Variants in IPO7 observed in about 807,000 individuals in gnomAD.
The protein encoded by IPO7 is importin 7.
IPO7 carries 13 observed loss-of-function variants against 136.4 expected under a neutral mutation model. The observed-to-expected ratio is 0.10, with a 90% CI of 0.06 to 0.15. The LOEUF is 0.15. Among genes scored for constraint, IPO7 ranks in the 10% least tolerant of loss-of-function variants. The pLI, the probability that IPO7 is intolerant of heterozygous loss-of-function variation, is 1.00. For missense variants in IPO7, 857 were observed against 1,240.6 expected, an observed-to-expected ratio of 0.69 and a Z score of 4.65; for synonymous variants, 403 against 404.4, an observed-to-expected ratio of 1.00 and a Z score of 0.04.
intron 1 of IPO7, among the ~76,000 whole-genome samples, chr11:9,398,812 T>C (rs1293582910): frequency 6.6e-6 from 1 of 152,218 alleles, no homozygotes; most frequent in East Asian, 1.9e-4. Context: ...TACAGTGCTA[T>C]AGAACACTAG....
intron 22 of IPO7, among the ~76,000 whole-genome samples, chr11:9,439,854 T>A (rs891386990): frequency 6.6e-6 from 1 of 152,244 alleles, no homozygotes; most frequent in East Asian, 1.9e-4. Context: ...ATTACAGGCG[T>A]GAGCCACCGC....
At position 9,446,694 on chromosome 11, in the gene IPO7, T is replaced by A. The variant is rs1042571102; in HGVS notation, c.*1500T>A. 1.3e-5 allele frequency: 2 copies of A among 152,096 alleles called. No individual in the cohort carries two copies. The highest frequency in any genetic ancestry group is 2.9e-5 in the Non-Finnish European group (2 of 68,014). The allele number at this position is 152,096 out of a possible 1,614,324, so 9.4% of individuals were successfully genotyped here. A position where few individuals can be genotyped will look rare whatever the true frequency, so the allele number is the denominator to read the frequency against. ...TTGTCTAAAACAGGTGAGAAAAAAA[T>A]TTATAACTGTAAAAACAAATGCACA... On this transcript the variant is annotated 3_prime_UTR_variant, in exon 25 of 25. Coordinates refer to ENST00000379719, the MANE Select transcript of IPO7 (RefSeq NM_006391.3).
intron 1 of IPO7, among the ~76,000 whole-genome samples, chr11:9,387,442 A>C (rs966136430): frequency 6.6e-6 from 1 of 152,178 alleles, no homozygotes; most frequent in African/African-American, 2.4e-5. Flanking sequence ...TCTCCTTATC[A>C]CTGAGGAGTT....
At chr11:9,430,623 C>G (rs540935221) in intron 15 of IPO7, 1 of 412,520 alleles carries the variant, frequency 2.4e-6, no homozygotes, top group African/African-American at 2.0e-5. Context: ...ATTTAGTCCT[C>G]GTACGGTGTC....
chr11:9,399,738 G>T (rs1854766882), intron 1 of IPO7, among the ~76,000 whole-genome samples: 1 of 152,170 alleles, frequency 6.6e-6, no homozygotes, highest in South Asian at 2.1e-4. Flanking sequence ...CAGTAAAGGA[G>T]CCTGAGAAGG....
In IPO7 at chr11:9,424,474, G is replaced by GTT. The variant is rs202140285; in HGVS notation, c.1142-440_1142-439insTT. 9.6e-3 allele frequency among the ~76,000 whole-genome samples: 1,457 copies of GTT among 152,316 alleles called. 27 individuals are homozygous for GTT. Among genetic ancestry groups the GTT allele is most frequent in the African/African-American group, 0.034 (1,399 of 41,566 alleles). On this transcript the variant is annotated intron_variant, in intron 10 of 24. Transcript: ENST00000379719. ...TTAATTTTCACAGGCCAGGTGCGGT[G>GTT]GCTAAGGCCTGTAAATCCCAACGTG...
chr11:9,408,872 C>A (rs973615817), intron 3 of IPO7, among the ~76,000 whole-genome samples: 7 of 151,552 alleles, frequency 4.6e-5, no homozygotes, highest in Non-Finnish European at 2.9e-5. Flanking sequence ...TGGCACCACG[C>A]CCAGCTAATT....
intron 2 of IPO7, among the ~76,000 whole-genome samples, chr11:9,407,961 A>G (rs977429489): frequency 3.3e-5 from 5 of 152,232 alleles, no homozygotes; most frequent in Non-Finnish European, 7.3e-5. Flanking sequence ...TAATTTCTGA[A>G]CACAGTAAAT....
At chr11:9,431,316 A>G (rs1855290802) in intron 16 of IPO7, among the ~76,000 whole-genome samples, 1 of 152,188 alleles carries the variant, frequency 6.6e-6, no homozygotes. Context: ...GGTTATACAC[A>G]TAGCATAAAA....
intron 1 of IPO7, among the ~76,000 whole-genome samples, chr11:9,386,255 T>G (rs1854550855): frequency 6.6e-6 from 1 of 152,206 alleles, no homozygotes; most frequent in Non-Finnish European, 1.5e-5. Flanking sequence ...CCACACAAAG[T>G]GATGATTACA....
intron 20 of IPO7, 135 bp from the exon 21 acceptor site, chr11:9,437,619 C>A: frequency 1.5e-6 from 1 of 659,024 alleles, no homozygotes; most frequent in Non-Finnish European, 2.6e-6. Context: ...TTTCCCAGTG[C>A]AGTGCCTCAG....
At chr11:9,407,244 C>T (rs527315603) in intron 2 of IPO7, among the ~76,000 whole-genome samples, 4 of 152,170 alleles carry the variant, frequency 2.6e-5, no homozygotes, top group African/African-American at 9.6e-5. Flanking sequence ...TTTGTTGGTC[C>T]TATTTGATTC....
chr11:9,417,025 G>A, intron 5 of IPO7, 34 bp from the exon 6 acceptor site: 1 of 993,050 alleles, frequency 1.0e-6, no homozygotes, highest in Non-Finnish European at 1.6e-6. Flanking sequence ...CTTTAGCAAG[G>A]ATTTCGAAAT....
At chr11:9,432,989 G>GTTTTGTTTTT (rs1855318341) in intron 16 of IPO7, 1 of 123,226 alleles carries the variant, frequency 8.1e-6, no homozygotes. Context: ...CTTCCAAATG[G>GTTTTGTTTTT]TTTTTTTTTT....
chr11:9,405,968 A>G (rs1214754812), intron 2 of IPO7, among the ~76,000 whole-genome samples: 4 of 151,312 alleles, frequency 2.6e-5, no homozygotes, highest in African/African-American at 9.7e-5. Flanking sequence ...AGCTCATTGA[A>G]TCTTCAAACT....
intron 2 of IPO7, among the ~76,000 whole-genome samples, chr11:9,407,873 T>C (rs1854909278): frequency 6.6e-6 from 1 of 152,230 alleles, no homozygotes; most frequent in African/African-American, 2.4e-5. Flanking sequence ...TTTTACCACT[T>C]CATCAGTTTG....
intron 1 of IPO7, among the ~76,000 whole-genome samples, chr11:9,392,682 C>T (rs1854653159): frequency 1.3e-5 from 2 of 152,132 alleles, no homozygotes; most frequent in Admixed American, 1.3e-4. Flanking sequence ...GGTGCGGTGG[C>T]TCAGGCCTGT....
At chr11:9,399,688 G>C (rs1009973377) in intron 1 of IPO7, among the ~76,000 whole-genome samples, 4 of 152,120 alleles carry the variant, frequency 2.6e-5, no homozygotes, top group Non-Finnish European at 4.4e-5. Context: ...ACCAAGTCCT[G>C]GTGAATTCTA....
In IPO7 at chr11:9,440,723, G is replaced by A. The variant is rs1205576673; in HGVS notation, c.2902+62G>A. ...AACAAATCTGTTGTAGTTTCTGCCTGCCCTTTAAAGGAAGAGTTTGGAGGA... is the reference window on the plus strand; with the variant it reads ...AACAAATCTGTTGTAGTTTCTGCCTACCCTTTAAAGGAAGAGTTTGGAGGA... On this transcript the variant is annotated intron_variant, in intron 23 of 24. Transcript: ENST00000379719. 5 of 1,295,504 alleles carry A rather than the reference G, an allele frequency of 3.9e-6. No individual in the cohort carries two copies. The East Asian group carries it at 6.9e-5, about 18-fold the overall frequency. 80.3% of individuals were successfully genotyped at this position (1,295,504 alleles called of 1,614,324 possible).
Sources: allele counts gnomAD v4.1 joint callset (sites outside exome capture counted in the v4.1 genomes callset), GRCh38; gene constraint gnomAD v4.1.1; transcripts MANE v1.5; gene names NCBI Gene and HGNC (gene_info 2026-07-23, HGNC 2026-07-21).